Variants in LRRTM4 observed in about 807,000 individuals in gnomAD.
The protein encoded by LRRTM4 is leucine-rich repeat transmembrane neuronal protein 4.
LRRTM4 carries 25 observed loss-of-function variants against 47.6 expected under a neutral mutation model. That is an observed-to-expected ratio of 0.53 (90% CI 0.38 to 0.73). The LOEUF (loss-of-function observed/expected upper bound fraction) is 0.73, where lower values mean the gene tolerates loss of function less well. Among genes scored for constraint, LRRTM4 ranks in the 30% least tolerant of loss-of-function variants. The probability of loss-of-function intolerance (pLI) is 0.00; values close to 1 mark genes in which losing one functional copy is unlikely to be tolerated. For missense variants in LRRTM4, 638 were observed against 713.4 expected (o/e 0.89, Z 1.20); for synonymous variants, 311 against 269.5 (o/e 1.15, Z -1.51).
At chr2:77,497,683 A>G (rs1678417247) in intron 3 of LRRTM4, among the ~76,000 whole-genome samples, 1 of 150,852 alleles carries the variant, frequency 6.6e-6, no homozygotes, top group Non-Finnish European at 1.5e-5. Flanking sequence ...GGATTTGTAT[A>G]TAATTATACA....
At chr2:77,070,014 A>G (rs955775937) in intron 3 of LRRTM4, among the ~76,000 whole-genome samples, 1 of 152,120 alleles carries the variant, frequency 6.6e-6, no homozygotes, top group Non-Finnish European at 1.5e-5. Flanking sequence ...AGCCTTTTGA[A>G]TTAAAACTTA....
At chr2:77,110,674 AAT>A (rs1671225147) in intron 3 of LRRTM4, among the ~76,000 whole-genome samples, 1 of 152,184 alleles carries the variant, frequency 6.6e-6, no homozygotes, top group African/African-American at 2.4e-5. Context: ...TATACCATGC[AAT>A]ATTGAAGTAG....
chr2:77,016,744 A>G (rs1192258525), intron 3 of LRRTM4, among the ~76,000 whole-genome samples: 1 of 152,176 alleles, frequency 6.6e-6, no homozygotes, highest in Non-Finnish European at 1.5e-5. Context: ...TGAATTACAT[A>G]TTAGAATTAC....
chr2:77,451,708 CAAAT>C (rs1276259630), intron 3 of LRRTM4, among the ~76,000 whole-genome samples: 2 of 151,988 alleles, frequency 1.3e-5, no homozygotes, highest in African/African-American at 2.4e-5. Context: ...ACTTACTAAT[CAAAT>C]AAATAAATAA....
At chr2:76,941,220 T>C (rs926804512) in intron 3 of LRRTM4, among the ~76,000 whole-genome samples, 1 of 152,228 alleles carries the variant, frequency 6.6e-6, no homozygotes, top group East Asian at 1.9e-4. Context: ...CAGTCTTCAT[T>C]AGCAGGATGC....
chr2:76,921,466 C>G (rs1396878527), intron 3 of LRRTM4, among the ~76,000 whole-genome samples: 1 of 151,770 alleles, frequency 6.6e-6, no homozygotes, highest in Non-Finnish European at 1.5e-5. Flanking sequence ...TTTTCATGCT[C>G]TATTCTTTGA....
At chr2:77,334,681 A>C (rs1274499486) in intron 3 of LRRTM4, among the ~76,000 whole-genome samples, 1 of 152,308 alleles carries the variant, frequency 6.6e-6, no homozygotes. Context: ...CTTTATCAGC[A>C]GTGTGAAAAT....
rs138586145 is a variant in LRRTM4, at chr2:77,269,627, G to C, written c.1551+248691C>G. 2.7e-3 allele frequency among the ~76,000 whole-genome samples: 417 copies of C among 151,988 alleles called. 1 individual carries two copies. The highest frequency in any genetic ancestry group is 9.6e-3 in the African/African-American group (397 of 41,512). Reference sequence around the variant, plus strand: ...GATAATCACTAATAATTTAATGAAAGAAAAAAAGGTTTTAGTTATACAGAG... The same window carrying C: ...GATAATCACTAATAATTTAATGAAACAAAAAAAGGTTTTAGTTATACAGAG... On this transcript the variant is annotated intron_variant, in intron 3 of 3. Transcript: ENST00000409884.
At chr2:76,916,421 A>G (rs929706588) in intron 3 of LRRTM4, among the ~76,000 whole-genome samples, 1 of 151,136 alleles carries the variant, frequency 6.6e-6, no homozygotes, top group African/African-American at 2.4e-5. Flanking sequence ...AAGAAAAAAA[A>G]TATGTATGGT....
intron 3 of LRRTM4, among the ~76,000 whole-genome samples, chr2:76,777,222 G>C (rs1674062546): frequency 6.6e-6 from 1 of 150,552 alleles, no homozygotes. Flanking sequence ...TTTTGGCTTA[G>C]GATTGACTTG....
rs549381047 is a variant in LRRTM4 at position 76,968,547 on chromosome 2, G to A, written c.1552-219631C>T. 1.7e-3 allele frequency among the ~76,000 whole-genome samples: 263 copies of A among 150,958 alleles called. 1 individual carries two copies. Among genetic ancestry groups the A allele is most frequent in the African/African-American group, 5.6e-3 (229 of 41,240 alleles). Reference sequence around the variant, plus strand: ...GAAAAAAATATCTCTTCAACAGCTAGGCTAGTCGTTCTCAATAACTTTTCT... The same window carrying A: ...GAAAAAAATATCTCTTCAACAGCTAAGCTAGTCGTTCTCAATAACTTTTCT... On this transcript the variant is annotated intron_variant, in intron 3 of 3. Transcript: ENST00000409884.
chr2:77,011,948 A>ACCAC lies in LRRTM4; in HGVS notation c.1552-263036_1552-263033dup, dbSNP rs535470693. 4.6e-5 allele frequency among the ~76,000 whole-genome samples: 7 copies of ACCAC among 152,124 alleles called. No individual in the cohort carries two copies. In the East Asian group the frequency reaches 1.4e-3, roughly 30 times the overall value. ...AGAACTGGTGTAAGGTAAGGAAGATACCACCCCACATTTACAAGGTAAGTT... is the reference window on the plus strand; with the variant it reads ...AGAACTGGTGTAAGGTAAGGAAGATACCACCCACCCCACATTTACAAGGTAAGTT... On this transcript the variant is annotated intron_variant, in intron 3 of 3. Coordinates refer to ENST00000409884, the MANE Select transcript of LRRTM4 (RefSeq NM_001134745.3).
chr2:76,845,739 G>T (rs1292361142), intron 3 of LRRTM4, among the ~76,000 whole-genome samples: 1 of 152,144 alleles, frequency 6.6e-6, no homozygotes, highest in Non-Finnish European at 1.5e-5. Flanking sequence ...TGTGTCTCCA[G>T]TGTGACAGTG....
At chr2:77,045,174 C>T (rs950694671) in intron 3 of LRRTM4, among the ~76,000 whole-genome samples, 3 of 151,822 alleles carry the variant, frequency 2.0e-5, no homozygotes, top group African/African-American at 7.3e-5. Flanking sequence ...GGATTGAACA[C>T]AGAAATATGT....
intron 3 of LRRTM4, among the ~76,000 whole-genome samples, chr2:76,964,071 AAT>A (rs1675946891): frequency 6.6e-6 from 1 of 150,964 alleles, no homozygotes; most frequent in Admixed American, 6.6e-5. Context: ...ACATCAAATA[AAT>A]CTTCATAGAA....
chr2:77,036,424 T>G (rs745900748), intron 3 of LRRTM4, among the ~76,000 whole-genome samples: 1 of 151,660 alleles, frequency 6.6e-6, no homozygotes, highest in African/African-American at 2.4e-5. Context: ...CAAACAAGGC[T>G]GTCTTAGAAA....
chr2:76,782,903 T>A (rs1440980759), intron 3 of LRRTM4, among the ~76,000 whole-genome samples: 1 of 152,074 alleles, frequency 6.6e-6, no homozygotes, highest in African/African-American at 2.4e-5. Flanking sequence ...AATTATAGAG[T>A]GTTCTTTAGA....
intron 3 of LRRTM4, among the ~76,000 whole-genome samples, chr2:77,165,324 G>T (rs929989216): frequency 2.0e-4 from 31 of 151,994 alleles, no homozygotes; most frequent in African/African-American, 7.5e-4. Context: ...ATAATTAATA[G>T]CTTACCAACC....
chr2:77,421,634 G>C (rs530460830), intron 3 of LRRTM4, among the ~76,000 whole-genome samples: 4 of 151,516 alleles, frequency 2.6e-5, no homozygotes, highest in African/African-American at 9.7e-5. Context: ...GTGAACCCGG[G>C]AGGCGGAGCT....
Sources: gnomAD v4.1 joint callset for allele counts (sites outside exome capture counted in the v4.1 genomes callset) on GRCh38, gnomAD v4.1.1 for gene constraint, MANE v1.5 for transcripts, NCBI Gene and HGNC (gene_info 2026-07-23, HGNC 2026-07-21) for gene names.